Variants in PECAM1 observed in about 807,000 individuals in gnomAD.
PECAM1 encodes the protein platelet endothelial cell adhesion molecule.
PECAM1 carries 8 observed loss-of-function variants against 13.8 expected under a neutral mutation model. The ratio of observed to expected loss-of-function variants is 0.58; its 90% CI spans 0.34 to 1.05. The LOEUF is 1.05. Ranked by LOEUF, PECAM1 falls within the 50% of genes least tolerant of loss-of-function variation. PECAM1 has a pLI of 0.03. For missense variants in PECAM1, 304 were observed against 141.2 expected (o/e 2.15, Z -5.84); for synonymous variants, 136 against 52.6 (o/e 2.58, Z -6.86).
At chr17:64,344,166 G>C (rs979627908) in intron 13 of PECAM1, among the ~76,000 whole-genome samples, 12 of 151,960 alleles carry the variant, frequency 7.9e-5, no homozygotes, top group Non-Finnish European at 1.8e-4. Context: ...AATGGAGGGA[G>C]AGGGCTTGGT....
intron 5 of PECAM1, among the ~76,000 whole-genome samples, chr17:64,368,889 TAAA>T (rs2036171589): frequency 2.1e-5 from 3 of 141,248 alleles, no homozygotes; most frequent in Non-Finnish European, 4.6e-5. Context: ...AAAATGTATA[TAAA>T]CCCATCATGC....
intron 13 of PECAM1, among the ~76,000 whole-genome samples, chr17:64,345,729 A>G (rs2035549102): frequency 6.6e-6 from 1 of 151,256 alleles, no homozygotes; most frequent in African/African-American, 2.4e-5. Flanking sequence ...AAAAAAAAAA[A>G]AAAATGAGGA....
Position 64,389,846 on chromosome 17 carries a change from G to C in PECAM1, c.91+643C>G, listed in dbSNP as rs1167472140. Among the ~76,000 whole-genome samples, 15 of 152,208 alleles carry C rather than the reference G, an allele frequency of 9.9e-5. 1 individual carries two copies. The highest frequency in any genetic ancestry group is 3.6e-4 in the African/African-American group (15 of 41,524). The stretch of plus-strand genomic sequence containing the variant: ...GCGGATCACCTGAGGTCAGGAGTTT[G>C]AGACCAGCCTGGCCAACATGGTGAA... On this transcript the variant is annotated intron_variant, in intron 2 of 15. Transcript: ENST00000563924.
At chr17:64,374,738 T>G (rs938638016) in intron 4 of PECAM1, among the ~76,000 whole-genome samples, 5 of 151,206 alleles carry the variant, frequency 3.3e-5, no homozygotes, top group Non-Finnish European at 7.4e-5. Context: ...GAGCCAAGAT[T>G]GCACCACTGC....
At chr17:64,358,939 G>GTACT (rs1324284586) in intron 7 of PECAM1, among the ~76,000 whole-genome samples, 2 of 151,850 alleles carry the variant, frequency 1.3e-5, no homozygotes, top group African/African-American at 4.8e-5. Flanking sequence ...TGGCATTAAA[G>GTACT]GTGCCCACCA....
At chr17:64,340,517 G>A (rs73341051) in intron 14 of PECAM1, among the ~76,000 whole-genome samples, 12,036 of 152,012 alleles carry the variant, frequency 0.079, 960 homozygotes, top group African/African-American at 0.21. Context: ...CCCCCACAAT[G>A]TTTACGTCTT....
In PECAM1 at chr17:64,361,963, A is replaced by G. The variant is rs1052002785; in HGVS notation, c.1216+1186T>C. ...CCTGCCTTTTGAGTTAGGTGGTTAG[A>G]GCATTAAAAATAGGCTAAAATCCTG... On this transcript the variant is annotated intron_variant, in intron 6 of 15. Coordinates refer to ENST00000563924, the MANE Select transcript of PECAM1 (RefSeq NM_000442.5). Among the ~76,000 whole-genome samples the G allele has an allele frequency of 2.7e-3, 410 of 152,322 alleles. 1 individual carries two copies. Among genetic ancestry groups the G allele is most frequent in the Non-Finnish European group, 4.5e-3 (306 of 68,032 alleles).
chr17:64,352,675 G>A, intron 10 of PECAM1, among the ~76,000 whole-genome samples: 1 of 145,842 alleles, frequency 6.9e-6, no homozygotes, highest in East Asian at 2.0e-4. Context: ...TTTTTTTTTA[G>A]ACAGAGTCTC....
chr17:64,375,052 C>A lies in PECAM1; in HGVS notation c.690G>T (p.Thr230=). The part of the protein sequence containing the change: ...ESTKSELVTV[T]ESFSTPKFHI... ...TGAGGAAGGGAGCAGGATGCTGACC[C>A]GTCACGGTGACCAGTTCACTCTTGG... The change falls in exon 4 of 16, where the codon ACG becomes ACT. Residue 230 remains threonine (T), a splice_region_variant and synonymous_variant. Transcript: ENST00000563924. The A allele has an allele frequency of 4.2e-6, 2 of 475,150 alleles. No homozygotes were observed. Among genetic ancestry groups the A allele is most frequent in the Non-Finnish European group, 7.7e-6 (2 of 258,966 alleles). The allele number at this position is 475,150 out of a possible 1,614,324, so 29.4% of individuals were successfully genotyped here.
intron 5 of PECAM1, 97 bp from the exon 6 acceptor site, chr17:64,363,494 A>ACCAATTT (rs2036033033): frequency 2.1e-6 from 1 of 468,430 alleles, no homozygotes; most frequent in Non-Finnish European, 3.9e-6. Flanking sequence ...TCTTGGCAGA[A>ACCAATTT]CCAACTTCCA....
chr17:64,348,518 C>T (rs1252681776), intron 12 of PECAM1, among the ~76,000 whole-genome samples, 196 bp from the exon 13 acceptor site: 1 of 151,602 alleles, frequency 6.6e-6, no homozygotes, highest in East Asian at 1.9e-4. Flanking sequence ...AGTGATTCTC[C>T]TGCCTAAGCC....
At chr17:64,327,888 C>A (rs937388668) in intron 15 of PECAM1, among the ~76,000 whole-genome samples, 2 of 152,328 alleles carry the variant, frequency 1.3e-5, no homozygotes, top group East Asian at 3.9e-4. Context: ...CCTCCCATTT[C>A]CCCACTGGGC....
At chr17:64,381,431 T>C (rs2036478196) in intron 2 of PECAM1, among the ~76,000 whole-genome samples, 1 of 152,188 alleles carries the variant, frequency 6.6e-6, no homozygotes, top group Non-Finnish European at 1.5e-5. Flanking sequence ...TACATAATTT[T>C]TATAAGTGGT....
chr17:64,347,974 AC>A lies in PECAM1; in HGVS notation c.2107+285del, dbSNP rs1197933868. On this transcript the variant is annotated intron_variant, in intron 13 of 15. Coordinates refer to ENST00000563924, the MANE Select transcript of PECAM1 (RefSeq NM_000442.5). ...TCGAACTCCTGATCTCAGGTGATCC[AC>A]CCGCCTTGGCCTCCCAAAGTGCTAG... Among the ~76,000 whole-genome samples, 3 of 151,722 alleles carry A rather than the reference AC, an allele frequency of 2.0e-5. No individual in the cohort carries two copies. The East Asian group carries it at 5.8e-4, about 29-fold the overall frequency.
At chr17:64,364,160 G>C (rs1242246580) in intron 5 of PECAM1, among the ~76,000 whole-genome samples, 1 of 152,118 alleles carries the variant, frequency 6.6e-6, no homozygotes, top group Non-Finnish European at 1.5e-5. Flanking sequence ...CGATCCCACA[G>C]AAATACAAAC....
chr17:64,347,281 G>A (rs1184403350), intron 13 of PECAM1, among the ~76,000 whole-genome samples: 1 of 151,990 alleles, frequency 6.6e-6, no homozygotes, highest in Non-Finnish European at 1.5e-5. Flanking sequence ...ACTTTGGGAG[G>A]CTGAGGGGGG....
intron 13 of PECAM1, among the ~76,000 whole-genome samples, chr17:64,345,437 G>C (rs1488210232): frequency 6.6e-6 from 1 of 152,160 alleles, no homozygotes; most frequent in Non-Finnish European, 1.5e-5. Context: ...AAGAGGCCAG[G>C]CCTGGTGGTT....
At chr17:64,324,922 C>T (rs1026924000) in intron 15 of PECAM1, among the ~76,000 whole-genome samples, 3 of 152,196 alleles carry the variant, frequency 2.0e-5, no homozygotes, top group African/African-American at 7.2e-5. Context: ...TCAGTGGCTG[C>T]TCTGCCTATG....
Position 64,359,696 on chromosome 17 carries a change from T to C in PECAM1, c.1492+444A>G, listed in dbSNP as rs1312212485. Among the ~76,000 whole-genome samples, 7 of 151,966 alleles carry C rather than the reference T, an allele frequency of 4.6e-5. No individual in the cohort carries two copies. In the South Asian group the frequency reaches 1.5e-3, roughly 32 times the overall value. ...TTTTCCAGCCTCCTTTACTGAACCT[T>C]GGCCCTGCTTTGGTGCATATCTAGT... is the stretch of plus-strand genomic sequence containing the variant. On this transcript the variant is annotated intron_variant, in intron 7 of 15. Transcript: ENST00000563924.
Sources: allele counts gnomAD v4.1 joint callset (sites outside exome capture counted in the v4.1 genomes callset), GRCh38; gene constraint gnomAD v4.1.1; transcripts MANE v1.5; gene names NCBI Gene and HGNC (gene_info 2026-07-23, HGNC 2026-07-21).